The following SLC22A25 variants were observed in gnomAD, a reference collection of about 807,000 sequenced individuals.
SLC22A25 encodes solute carrier family 22 member 25, also known as MGI:2442751, MGI:2385316, MGI:3042283, MGI:3645714, MGI:3605624, MGI:2442750.
SLC22A25 carries 44 observed loss-of-function variants against 45.9 expected under a neutral mutation model. The ratio of observed to expected loss-of-function variants is 0.96; its 90% confidence interval spans 0.75 to 1.23. SLC22A25 has a LOEUF of 1.23. Among genes scored for constraint, SLC22A25 ranks in the 50% most tolerant of loss-of-function variants. The probability of loss-of-function intolerance (pLI) is 0.00; values close to 1 mark genes in which losing one functional copy is unlikely to be tolerated. For missense variants in SLC22A25, 800 were observed against 666.4 expected (o/e 1.20, Z -2.21); for synonymous variants, 283 against 238.6 (o/e 1.19, Z -1.72).
At chr11:63,233,905 T>C (rs2090116946) in intron 3 of SLC22A25, among the ~76,000 whole-genome samples, 1 of 152,228 alleles carries the variant, frequency 6.6e-6, no homozygotes, top group African/African-American at 2.4e-5. Context: ...CCAGTAGTCA[T>C]TCAGGAGCAG....
intron 9 of SLC22A25, among the ~76,000 whole-genome samples, chr11:63,177,872 T>TATAC (rs1341001519): frequency 7.1e-6 from 1 of 139,948 alleles, no homozygotes; most frequent in African/African-American, 2.7e-5. Context: ...ATAATATATA[T>TATAC]AATGTATATA....
chr11:63,210,987 G>A (rs2134799930), intron 7 of SLC22A25, among the ~76,000 whole-genome samples: 1 of 152,190 alleles, frequency 6.6e-6, no homozygotes, highest in South Asian at 2.1e-4. Context: ...AAAGGCAATG[G>A]GTATTGACCC....
At chr11:63,223,295 C>T (rs1225462417) in intron 5 of SLC22A25, among the ~76,000 whole-genome samples, 2 of 151,998 alleles carry the variant, frequency 1.3e-5, no homozygotes, top group African/African-American at 2.4e-5. Flanking sequence ...CAGCTTCAAT[C>T]TCATTACTTG....
chr11:63,240,171 T>G (rs964430099), intron 1 of SLC22A25, among the ~76,000 whole-genome samples: 1 of 152,070 alleles, frequency 6.6e-6, no homozygotes, highest in Non-Finnish European at 1.5e-5. Context: ...TATCTAAACA[T>G]AGAAAAGTTA....
intron 7 of SLC22A25, chr11:63,208,305 G>A (rs2089463425): frequency 6.6e-6 from 1 of 152,400 alleles, no homozygotes; most frequent in South Asian, 2.1e-4. Context: ...AAGGGCCCAA[G>A]GCAGGGAAGC....
At chr11:63,196,086 G>T (rs1374243606) in intron 7 of SLC22A25, among the ~76,000 whole-genome samples, 1 of 152,064 alleles carries the variant, frequency 6.6e-6, no homozygotes, top group Non-Finnish European at 1.5e-5. Context: ...ACCAATAAGA[G>T]GCTCTGAAAT....
rs1211664087 is a variant in SLC22A25 at position 63,162,361 on chromosome 11, T to C, written c.*1463A>G. On this transcript the variant is annotated 3_prime_UTR_variant, in exon 12 of 12. Coordinates refer to ENST00000306494, the MANE Select transcript of SLC22A25 (RefSeq NM_199352.6). ...TTGGCCAGTCTAATGTACTGGAAAA[T>C]TTCTCCAATGTTTTCTTGTAGCAGT... Among the ~76,000 whole-genome samples the C allele has an allele frequency of 2.6e-5, 4 of 152,180 alleles. No homozygotes were observed. The highest frequency in any genetic ancestry group is 9.6e-5 in the African/African-American group (4 of 41,454).
chr11:63,209,156 G>A lies in SLC22A25; in HGVS notation c.830+8158C>T, dbSNP rs185465392. The stretch of plus-strand genomic sequence containing the variant: ...TTTAAGGTGGTCACTGGAGTTGGAG[G>A]ACAACCAGGATACCCAGACCAGTTT... On this transcript the variant is annotated intron_variant, in intron 7 of 11. Transcript: ENST00000306494. Among the ~76,000 whole-genome samples the A allele has an allele frequency of 4.2e-3, 635 of 152,202 alleles. 6 individuals carry two copies. The highest frequency in any genetic ancestry group is 0.014 in the African/African-American group (577 of 41,514).
intron 10 of SLC22A25, among the ~76,000 whole-genome samples, chr11:63,165,193 T>C (rs902365264): frequency 1.3e-5 from 2 of 152,328 alleles, no homozygotes; most frequent in African/African-American, 4.8e-5. Context: ...TATCAGACTT[T>C]GGAAACAAAT....
intron 5 of SLC22A25, among the ~76,000 whole-genome samples, chr11:63,224,963 G>C (rs991655901): frequency 1.3e-5 from 2 of 152,116 alleles, no homozygotes; most frequent in African/African-American, 4.8e-5. Context: ...GCCAGGCGTG[G>C]TGGCGGGCGC....
intron 7 of SLC22A25, among the ~76,000 whole-genome samples, chr11:63,195,816 T>C (rs552571261): frequency 1.3e-4 from 20 of 152,276 alleles, no homozygotes; most frequent in African/African-American, 4.3e-4. Flanking sequence ...ATCCAGGAGC[T>C]GGTTTTTTGA....
In SLC22A25 at chr11:63,236,060, G is replaced by A. The variant is rs376740695; in HGVS notation, c.-445+1821C>T. On this transcript the variant is annotated intron_variant, in intron 3 of 11. Transcript: ENST00000306494. ...AGGTGTCAGTCCACCCCTAATGGGG[G>A]GTGCCTCCCAGTTAGGCTACTTGGT... 2.0e-4 allele frequency among the ~76,000 whole-genome samples: 31 copies of A among 152,216 alleles called. No individual in the cohort carries two copies. The East Asian group carries it at 3.5e-3, about 17-fold the overall frequency.
At chr11:63,202,100 G>A (rs989680139) in intron 7 of SLC22A25, among the ~76,000 whole-genome samples, 5 of 152,086 alleles carry the variant, frequency 3.3e-5, no homozygotes, top group Admixed American at 1.3e-4. Flanking sequence ...TGTGAGGGAC[G>A]GTGCATCTGG....
intron 5 of SLC22A25, among the ~76,000 whole-genome samples, chr11:63,222,346 T>C: frequency 6.6e-6 from 1 of 152,036 alleles, no homozygotes; most frequent in Non-Finnish European, 1.5e-5. Flanking sequence ...TTTCACTTCT[T>C]AGGTTATATT....
intron 5 of SLC22A25, among the ~76,000 whole-genome samples, chr11:63,219,515 A>G (rs191267415): frequency 6.1e-4 from 93 of 152,292 alleles, no homozygotes; most frequent in African/African-American, 2.1e-3. Flanking sequence ...ATAAAAATCC[A>G]CTATGTGAAT....
chr11:63,191,251 T>C (rs7115707), intron 7 of SLC22A25, among the ~76,000 whole-genome samples: 75,328 of 152,064 alleles, frequency 0.5, 19,485 homozygotes, highest in Non-Finnish European at 0.57. Flanking sequence ...CAATGGTGGG[T>C]GCCCCTCCCC....
intron 7 of SLC22A25, among the ~76,000 whole-genome samples, chr11:63,190,352 G>A (rs1343554557): frequency 1.3e-5 from 2 of 152,038 alleles, no homozygotes; most frequent in Admixed American, 6.6e-5. Flanking sequence ...ACTGAGGCTT[G>A]TGCATTCATC....
chr11:63,216,873 T>A (rs566156904), intron 7 of SLC22A25, among the ~76,000 whole-genome samples: 1 of 152,208 alleles, frequency 6.6e-6, no homozygotes, highest in Non-Finnish European at 1.5e-5. Flanking sequence ...AAATTTCTAA[T>A]GAGCAGCAAT....
At chr11:63,230,229 T>C (rs1465638504) in intron 3 of SLC22A25, among the ~76,000 whole-genome samples, 133 bp from the exon 4 acceptor site, 2 of 152,360 alleles carry the variant, frequency 1.3e-5, no homozygotes, top group East Asian at 3.9e-4. Context: ...ACTGATGTTC[T>C]GCTTCATGCC....
Sources: allele counts gnomAD v4.1 joint callset (sites outside exome capture counted in the v4.1 genomes callset), GRCh38; gene constraint gnomAD v4.1.1; transcripts MANE v1.5; gene names NCBI Gene and HGNC (gene_info 2026-07-23, HGNC 2026-07-21).